The following ERBB4 variants were observed in gnomAD, a reference collection of about 807,000 sequenced individuals.
ERBB4 encodes the protein erb-b2 receptor tyrosine kinase 4.
Under a neutral mutation model 158.0 loss-of-function variants are expected in ERBB4, and 42 were observed. The ratio of observed to expected loss-of-function variants is 0.27; its 90% CI spans 0.21 to 0.34. The LOEUF (loss-of-function observed/expected upper bound fraction) is 0.34. Ranked by LOEUF, ERBB4 falls within the 10% of genes least tolerant of loss-of-function variation. ERBB4 has a pLI of 1.00. For synonymous variants in ERBB4, 583 were observed against 558.7 expected (o/e 1.04, Z -0.61); for missense variants, 1,333 against 1,624.1 (o/e 0.82, Z 3.08).
chr2:211,597,294 T>A (rs1452814268), intron 19 of ERBB4, among the ~76,000 whole-genome samples: 1 of 152,184 alleles, frequency 6.6e-6, no homozygotes, highest in Non-Finnish European at 1.5e-5. Context: ...CAAAGATATA[T>A]TTCAAATTTG....
rs1022594703 is a variant in ERBB4 at position 211,859,654 on chromosome 2, G to A, written c.422-71495C>T. ...GACTTTGTAGTGAAACAATTCCCTC[G>A]TTTTATTGTAGAAATATTTTGGGGG... On this transcript the variant is annotated intron_variant, in intron 3 of 27. Transcript: ENST00000342788. Among the ~76,000 whole-genome samples the A allele has an allele frequency of 4.6e-5, 7 of 152,026 alleles. No homozygotes were observed. The East Asian group carries it at 5.8e-4, about 13-fold the overall frequency.
At chr2:211,777,729 C>T (rs1273271194) in intron 4 of ERBB4, 1 of 152,178 alleles carries the variant, frequency 6.6e-6, no homozygotes, top group East Asian at 1.9e-4. Context: ...CTTGGTAACA[C>T]TATTCCCCAC....
chr2:211,392,193 A>G (rs1170616099), intron 25 of ERBB4, among the ~76,000 whole-genome samples: 1 of 152,216 alleles, frequency 6.6e-6, no homozygotes, highest in Non-Finnish European at 1.5e-5. Flanking sequence ...ATAGCAACAT[A>G]CAGAAAATGT....
chr2:212,026,080 A>G (rs1468450529), intron 2 of ERBB4, among the ~76,000 whole-genome samples: 1 of 151,716 alleles, frequency 6.6e-6, no homozygotes, highest in African/African-American at 2.4e-5. Flanking sequence ...AGATATTATT[A>G]TTAAAATCAA....
At chr2:212,299,403 T>A (rs921330147) in intron 1 of ERBB4, among the ~76,000 whole-genome samples, 1 of 151,714 alleles carries the variant, frequency 6.6e-6, no homozygotes, top group Non-Finnish European at 1.5e-5. Flanking sequence ...TTAAGTTGTT[T>A]ACAAATATGT....
chr2:212,095,681 C>T (rs2078907417), intron 2 of ERBB4, among the ~76,000 whole-genome samples: 1 of 151,970 alleles, frequency 6.6e-6, no homozygotes, highest in African/African-American at 2.4e-5. Flanking sequence ...GCCTATAATC[C>T]CAGCACTTTG....
chr2:211,974,135 G>C (rs761595724), intron 2 of ERBB4, among the ~76,000 whole-genome samples: 1 of 152,086 alleles, frequency 6.6e-6, no homozygotes, highest in Non-Finnish European at 1.5e-5. Context: ...GTGAGTACTA[G>C]GATTAATACC....
rs35216786 is a variant in ERBB4 at position 212,441,692 on chromosome 2, T to TAA, written c.82+96755_82+96756dup. Among the ~76,000 whole-genome samples the TAA allele has an allele frequency of 1.8e-4, 26 of 147,840 alleles. 1 individual carries two copies. Among genetic ancestry groups the TAA allele is most frequent in the African/African-American group, 5.9e-4 (24 of 40,652 alleles). ...CTTTTAATGTTGCAGCTTGGGGAGT[T>TAA]AAAAAAAAAAGGTTCTAATAGTTTA... is the stretch of plus-strand genomic sequence containing the variant. On this transcript the variant is annotated intron_variant, in intron 1 of 27. Coordinates refer to ENST00000342788, the MANE Select transcript of ERBB4 (RefSeq NM_005235.3).
intron 14 of ERBB4, among the ~76,000 whole-genome samples, 169 bp downstream of exon 14, chr2:211,672,995 C>A (rs1364803143): frequency 6.6e-6 from 1 of 152,108 alleles, no homozygotes; most frequent in Non-Finnish European, 1.5e-5. Flanking sequence ...GACTTTTTAA[C>A]TATTTTATCT....
At chr2:212,312,058 G>A (rs1379768300) in intron 1 of ERBB4, among the ~76,000 whole-genome samples, 6 of 150,942 alleles carry the variant, frequency 4.0e-5, no homozygotes, top group Non-Finnish European at 3.0e-5. Flanking sequence ...AAGCCACCCA[G>A]TTGTACTCTG....
intron 20 of ERBB4, among the ~76,000 whole-genome samples, chr2:211,523,747 T>C (rs2066255677): frequency 6.6e-6 from 1 of 151,924 alleles, no homozygotes; most frequent in African/African-American, 2.4e-5. Flanking sequence ...AGCAGCAAGA[T>C]TTATTGCAAA....
chr2:211,754,507 T>G (rs1476517010), intron 4 of ERBB4, among the ~76,000 whole-genome samples: 1 of 150,652 alleles, frequency 6.6e-6, no homozygotes, highest in Non-Finnish European at 1.5e-5. Flanking sequence ...GTTCAAGCAA[T>G]TCTCTGCCTC....
At chr2:211,725,390 T>A (rs2074233533) in intron 5 of ERBB4, among the ~76,000 whole-genome samples, 196 bp from the exon 6 acceptor site, 1 of 152,220 alleles carries the variant, frequency 6.6e-6, no homozygotes, top group Admixed American at 6.5e-5. Context: ...ATTTTTATAT[T>A]CTTTCTTGTT....
chr2:212,200,082 C>A (rs941967744), intron 1 of ERBB4, among the ~76,000 whole-genome samples: 17 of 152,146 alleles, frequency 1.1e-4, no homozygotes, highest in African/African-American at 2.9e-4. Context: ...AAGGTCATGG[C>A]AGCTGGTAAT....
Position 212,501,561 on chromosome 2 carries a change from T to C in ERBB4, c.82+36888A>G, listed in dbSNP as rs1690890343. ...TTGACCAGCCACAGAAAAGAAATTT[T>C]CAGGATTTTTTATTTAAAACACAAA... On this transcript the variant is annotated intron_variant, in intron 1 of 27. Coordinates refer to ENST00000342788, the MANE Select transcript of ERBB4 (RefSeq NM_005235.3). 4.6e-5 allele frequency among the ~76,000 whole-genome samples: 7 copies of C among 152,320 alleles called. No homozygotes were observed. The South Asian group carries it at 1.5e-3, about 32-fold the overall frequency.
At chr2:212,102,160 A>G (rs1343968852) in intron 2 of ERBB4, among the ~76,000 whole-genome samples, 5 of 144,364 alleles carry the variant, frequency 3.5e-5, no homozygotes, top group Admixed American at 7.2e-5. Flanking sequence ...TCCTTTAAAA[A>G]TGTATCTTTT....
At chr2:212,133,547 A>G (rs898215073) in intron 1 of ERBB4, among the ~76,000 whole-genome samples, 4 of 151,710 alleles carry the variant, frequency 2.6e-5, no homozygotes, top group African/African-American at 4.8e-5. Flanking sequence ...GAAAGCAGGC[A>G]TATAGCAGAT....
intron 20 of ERBB4, among the ~76,000 whole-genome samples, chr2:211,445,577 A>G (rs2064091293): frequency 6.6e-6 from 1 of 152,050 alleles, no homozygotes; most frequent in Admixed American, 6.6e-5. Flanking sequence ...AAGAAGGTAA[A>G]ACTAGCGACA....
chr2:211,716,025 A>C (rs992153476), intron 7 of ERBB4, among the ~76,000 whole-genome samples: 11 of 152,196 alleles, frequency 7.2e-5, no homozygotes, highest in Admixed American at 2.6e-4. Context: ...TGGAGTTTTT[A>C]AATTTCAGAA....
Sources: allele counts gnomAD v4.1 joint callset (sites outside exome capture counted in the v4.1 genomes callset), GRCh38; gene constraint gnomAD v4.1.1; transcripts MANE v1.5; gene names NCBI Gene and HGNC (gene_info 2026-07-23, HGNC 2026-07-21).